The following ARHGEF3 variants were observed in gnomAD, a reference collection of about 807,000 sequenced individuals.
The protein encoded by ARHGEF3 is Rho guanine nucleotide exchange factor 3, also known as 59.8 kDA protein.
A neutral mutation model predicts 63.2 loss-of-function variants in ARHGEF3; 28 were observed. The ratio of observed to expected loss-of-function variants is 0.44; its 90% CI spans 0.33 to 0.61. ARHGEF3 has a LOEUF of 0.61. Ranked by LOEUF, ARHGEF3 falls within the 20% of genes least tolerant of loss-of-function variation. The pLI is 0.03. For synonymous variants in ARHGEF3, 266 were observed against 254.2 expected, an observed-to-expected ratio of 1.05 and a Z score of -0.44; for missense variants, 533 against 659.3, an observed-to-expected ratio of 0.81 and a Z score of 2.10.
chr3:56,768,675 AAAAAAAAAG>A (rs1159786890), intron 2 of ARHGEF3, among the ~76,000 whole-genome samples: 2 of 149,596 alleles, frequency 1.3e-5, no homozygotes, highest in African/African-American at 2.5e-5. Context: ...TGCAAAAAAA[AAAAAAAAAG>A]AAGAAGATGA....
intron 4 of ARHGEF3, among the ~76,000 whole-genome samples, chr3:56,833,631 C>A (rs575143021): frequency 1.4e-4 from 22 of 152,298 alleles, no homozygotes; most frequent in Admixed American, 7.2e-4. Context: ...CCTTTCTTCA[C>A]TGTTACAAAA....
intron 3 of ARHGEF3, among the ~76,000 whole-genome samples, chr3:56,949,681 A>G (rs1699703154): frequency 6.6e-6 from 1 of 152,100 alleles, no homozygotes; most frequent in Non-Finnish European, 1.5e-5. Flanking sequence ...GGAAGAATCA[A>G]TATCGTGAAA....
At chr3:57,023,840 C>T (rs143691886) in intron 2 of ARHGEF3, among the ~76,000 whole-genome samples, 121 of 152,380 alleles carry the variant, frequency 7.9e-4, no homozygotes, top group Middle Eastern at 3.4e-3. Flanking sequence ...TTCCCTGTCA[C>T]ATGCTCACTG....
intron 2 of ARHGEF3, among the ~76,000 whole-genome samples, chr3:56,965,223 C>A (rs1294709881): frequency 3.9e-5 from 6 of 152,126 alleles, no homozygotes; most frequent in African/African-American, 1.4e-4. Context: ...TCACTGCACT[C>A]TAGTCTGGGC....
intron 2 of ARHGEF3, among the ~76,000 whole-genome samples, chr3:56,762,877 G>T (rs1286930816): frequency 6.6e-6 from 1 of 152,142 alleles, no homozygotes; most frequent in Admixed American, 6.5e-5. Context: ...CTCCTATGAG[G>T]CTCCATTACA....
At chr3:57,049,416 C>T (rs1704584594) in intron 1 of ARHGEF3, among the ~76,000 whole-genome samples, 1 of 152,150 alleles carries the variant, frequency 6.6e-6, no homozygotes, top group African/African-American at 2.4e-5. Context: ...TAAAATCCCT[C>T]CCAGGTGACT....
At position 57,014,474 on chromosome 3, in the gene ARHGEF3, C is replaced by T. The variant is rs574588502; in HGVS notation, c.62+20614G>A. On this transcript the variant is annotated intron_variant, in intron 2 of 12. Transcript: ENST00000338458. ...ATCGAGCCAAATATGTGGTATAATT[C>T]TATTAAAATATTTACTGTGCATATG... Among the ~76,000 whole-genome samples, 8 of 152,266 alleles carry T rather than the reference C, an allele frequency of 5.3e-5. No individual in the cohort carries two copies. The East Asian group carries it at 1.5e-3, about 29-fold the overall frequency.
At chr3:56,824,005 A>C (rs4132716) in intron 4 of ARHGEF3, among the ~76,000 whole-genome samples, 1 of 134,394 alleles carries the variant, frequency 7.4e-6, no homozygotes, top group Non-Finnish European at 1.6e-5. Flanking sequence ...AAAAAAAAAA[A>C]CAGAACGAGC....
intron 1 of ARHGEF3, among the ~76,000 whole-genome samples, chr3:57,039,839 G>T (rs1470529465): frequency 1.3e-5 from 2 of 152,122 alleles, no homozygotes; most frequent in Admixed American, 1.3e-4. Context: ...CCTCAAGGAT[G>T]ATCTCCCCAT....
chr3:56,952,480 A>G (rs1699857495), intron 3 of ARHGEF3, among the ~76,000 whole-genome samples: 1 of 152,214 alleles, frequency 6.6e-6, no homozygotes. Context: ...TCTAATCCAC[A>G]GAACTCCAAG....
chr3:56,993,460 G>A (rs970954575), intron 2 of ARHGEF3, among the ~76,000 whole-genome samples: 3 of 151,492 alleles, frequency 2.0e-5, no homozygotes, highest in South Asian at 2.1e-4. Context: ...CTGCAGCTTC[G>A]GCCTCCTGGG....
chr3:57,037,454 A>G (rs974763038), intron 1 of ARHGEF3, among the ~76,000 whole-genome samples: 2 of 152,152 alleles, frequency 1.3e-5, no homozygotes, highest in African/African-American at 4.8e-5. Flanking sequence ...TCAAAGCCAC[A>G]TTTCCCAAGC....
intron 1 of ARHGEF3, among the ~76,000 whole-genome samples, chr3:56,789,721 C>T (rs1253766930): frequency 6.6e-6 from 1 of 152,096 alleles, no homozygotes. Flanking sequence ...GTACTATTTC[C>T]TTAATTAGTC....
intron 3 of ARHGEF3, among the ~76,000 whole-genome samples, chr3:56,754,608 A>G (rs911484060): frequency 6.6e-6 from 1 of 152,242 alleles, no homozygotes; most frequent in Non-Finnish European, 1.5e-5. Context: ...ACTGGATTCT[A>G]TAGAAAGGAA....
At chr3:56,740,743 C>T (rs2033960439) in intron 7 of ARHGEF3, among the ~76,000 whole-genome samples, 1 of 152,124 alleles carries the variant, frequency 6.6e-6, no homozygotes, top group South Asian at 2.1e-4. Flanking sequence ...TCTTAAAGAC[C>T]TCAGCATTAG....
chr3:56,910,125 C>T (rs1384949028), intron 3 of ARHGEF3, among the ~76,000 whole-genome samples: 4 of 152,324 alleles, frequency 2.6e-5, no homozygotes, highest in African/African-American at 4.8e-5. Context: ...CTGACTGAGA[C>T]GATCTCCTTT....
chr3:56,992,669 AC>A (rs1020122066), intron 2 of ARHGEF3, among the ~76,000 whole-genome samples: 4 of 152,084 alleles, frequency 2.6e-5, no homozygotes, highest in African/African-American at 9.7e-5. Flanking sequence ...AGCACATAGC[AC>A]AGAGGACAAT....
At chr3:56,916,420 G>A (rs1352538950) in intron 3 of ARHGEF3, 1 of 1,488,410 alleles carries the variant, frequency 6.7e-7, no homozygotes, top group Non-Finnish European at 8.9e-7. Context: ...TCTCTGAACA[G>A]GGCTGAGCAT....
At chr3:56,931,575 CAAAAAAAAAA>C (rs10596928) in intron 3 of ARHGEF3, among the ~76,000 whole-genome samples, 3 of 58,936 alleles carry the variant, frequency 5.1e-5, no homozygotes, top group South Asian at 1.0e-3. Context: ...GATCCTGTCT[CAAAAAAAAAA>C]AAAAAAAAAA....
Sources: allele counts gnomAD v4.1 joint callset (sites outside exome capture counted in the v4.1 genomes callset), GRCh38; gene constraint gnomAD v4.1.1; transcripts MANE v1.5; gene names NCBI Gene and HGNC (gene_info 2026-07-23, HGNC 2026-07-21).